STK32C: variants seen among roughly 807,000 people sequenced by gnomAD.
The protein encoded by STK32C is serine/threonine kinase 32C.
A neutral mutation model predicts 56.5 loss-of-function variants in STK32C; 31 were observed. The ratio of observed to expected loss-of-function variants is 0.55; its 90% confidence interval spans 0.41 to 0.74. The LOEUF (loss-of-function observed/expected upper bound fraction) is 0.74, where lower values mean the gene tolerates loss of function less well. STK32C is among the 30% of genes least tolerant of loss of function. The pLI, the probability that STK32C is intolerant of heterozygous loss-of-function variation, is 0.00. For synonymous variants in STK32C, 309 were observed against 289.4 expected, an observed-to-expected ratio of 1.07 and a Z score of -0.69; for missense variants, 544 against 676.9, an observed-to-expected ratio of 0.80 and a Z score of 2.18.
upstream of STK32C, among the ~76,000 whole-genome samples, chr10:132,310,249 G>A (rs2066194114): frequency 6.6e-6 from 1 of 152,218 alleles, no homozygotes; most frequent in Non-Finnish European, 1.5e-5. This position sits in a 1 kb window ranked among gnomAD's most constrained non-coding sequence, Gnocchi z 4.6. Context: ...CTCTCAGTCA[G>A]GAAACAGGAA....
intron 1 of STK32C, among the ~76,000 whole-genome samples, chr10:132,256,061 G>A (rs562721590): frequency 1.1e-3 from 161 of 152,292 alleles, no homozygotes; most frequent in Admixed American, 2.1e-3. Flanking sequence ...TTCCAGCCTC[G>A]GGGAGCCAAC....
chr10:132,225,628 G>T lies in STK32C; in HGVS notation c.683-12C>A, dbSNP rs2130893. On this transcript the variant is annotated splice_polypyrimidine_tract_variant and intron_variant, in intron 5 of 11. Coordinates refer to ENST00000298630, the MANE Select transcript of STK32C (RefSeq NM_173575.4). ...CAGGTGTGCATGTCCTGTGCAGAGAGGGGTCAGGTGTGGCTGTCCCAGGAC... is the reference window on the plus strand; with the variant it reads ...CAGGTGTGCATGTCCTGTGCAGAGATGGGTCAGGTGTGGCTGTCCCAGGAC... The T allele has an allele frequency of 2.5e-6, 4 of 1,609,242 alleles. No homozygotes were observed. The highest frequency in any genetic ancestry group is 1.7e-5 in the Admixed American group (1 of 59,908).
chr10:132,288,853 AATT>A (rs1466869525), intron 1 of STK32C, among the ~76,000 whole-genome samples: 1 of 152,200 alleles, frequency 6.6e-6, no homozygotes, highest in Non-Finnish European at 1.5e-5. Flanking sequence ...TTGAAAAACT[AATT>A]ATTATTAAGA....
chr10:132,258,029 G>A (rs1225820947), intron 1 of STK32C, among the ~76,000 whole-genome samples: 1 of 152,202 alleles, frequency 6.6e-6, no homozygotes, highest in Non-Finnish European at 1.5e-5. Flanking sequence ...CATGTCCCAA[G>A]TGCCCTCACT....
chr10:132,316,769 A>G (rs575399662), intron 1 of STK32C, among the ~76,000 whole-genome samples: 1 of 152,338 alleles, frequency 6.6e-6, no homozygotes, highest in Non-Finnish European at 1.5e-5. Flanking sequence ...AAGATACTTA[A>G]AAGAGTCCAG....
chr10:132,300,412 G>A (rs1472430205), intron 1 of STK32C, among the ~76,000 whole-genome samples: 2 of 152,190 alleles, frequency 1.3e-5, no homozygotes, highest in African/African-American at 2.4e-5. Flanking sequence ...TGGGGTGAGA[G>A]GAGGCTGGAT....
chr10:132,226,089 C>G lies in STK32C; in HGVS notation c.645-305G>C, dbSNP rs112361986. 3.5e-3 allele frequency among the ~76,000 whole-genome samples: 538 copies of G among 152,346 alleles called. 2 individuals carry two copies. The highest frequency in any genetic ancestry group is 0.014 in the Middle Eastern group (4 of 294). On this transcript the variant is annotated intron_variant, in intron 4 of 11. Transcript: ENST00000298630. ...CAATTGCTGGCAGGGTCTGCCCTCC[C>G]CCTCCAAGACTCGGCCTCTAGGAGA...
At chr10:132,240,719 G>A (rs936103048) in intron 2 of STK32C, among the ~76,000 whole-genome samples, 24 of 152,110 alleles carry the variant, frequency 1.6e-4, no homozygotes, top group Non-Finnish European at 3.1e-4. Context: ...TCGGACAGGG[G>A]GATGGCCTGG....
intron 1 of STK32C, among the ~76,000 whole-genome samples, chr10:132,316,634 C>T (rs2066315733): frequency 6.6e-6 from 1 of 151,714 alleles, no homozygotes; most frequent in African/African-American, 2.4e-5. Context: ...TCAGGAAAAT[C>T]AGCAAAGCAA....
chr10:132,268,392 C>CGT (rs1189768582), intron 1 of STK32C, among the ~76,000 whole-genome samples: 3 of 100,156 alleles, frequency 3.0e-5, no homozygotes, highest in African/African-American at 4.0e-5. Context: ...TGTCCCACAT[C>CGT]GTGTGTGTGT....
upstream of STK32C, chr10:132,331,912 C>T: frequency 2.5e-6 from 2 of 807,952 alleles, no homozygotes; most frequent in African/African-American, 1.8e-5. Context: ...GCAGGCGCAC[C>T]ACAACCCCCC....
intron 10 of STK32C, 61 bp downstream of exon 10, chr10:132,222,580 T>C (rs981749060): frequency 1.3e-6 from 2 of 1,588,334 alleles, no homozygotes; most frequent in East Asian, 2.2e-5. Flanking sequence ...CCTTGCTCGG[T>C]GGTAGAGAGG....
rs780146352 is a variant in STK32C, at chr10:132,222,691, G to A, written c.1201C>T (p.Arg401Cys). ...TCCCGGGACTTGTTCTTGGCCAGAC[G>A]CTTCTTCTTCTTGTGCAGGGGCCTG... is the stretch of plus-strand genomic sequence containing the variant. ...ESRPLHKKKK[R>C]LAKNKSRDNS... The change falls in exon 10 of 12, where the codon CGT (arginine) becomes TGT (cysteine). Residue 401 changes from arginine to cysteine, a missense_variant. Arg to Cys is a radical substitution (Grantham distance 180). Around this residue, in one of 3 missense-constraint regions of STK32C, gnomAD observed 277 missense variants for 309.3 expected, o/e 0.90. Transcript: ENST00000298630. The A allele has an allele frequency of 1.9e-6, 3 of 1,612,642 alleles. No individual in the cohort carries two copies. The highest frequency in any genetic ancestry group is 1.7e-6 in the Non-Finnish European group (2 of 1,179,694).
At position 132,324,834 on chromosome 10, in the gene STK32C, ATACATTGGTTTGGTC is replaced by A. The variant is rs144299226; in HGVS notation, c.302-476_302-462del. Among the ~76,000 whole-genome samples, 523 of 152,350 alleles carry A rather than the reference ATACATTGGTTTGGTC, an allele frequency of 3.4e-3. 1 individual carries two copies. Among genetic ancestry groups the A allele is most frequent in the African/African-American group, 0.012 (503 of 41,578 alleles). On this transcript the variant is annotated intron_variant, in intron 1 of 1. Transcript: ENST00000368619. Reference sequence around the variant, plus strand: ...AGACATCAATCAATGCCTGTGAGGTATACATTGGTTTGGTCTAGAAAGGAAGGACAACTGAAAGTG... The same window carrying A: ...AGACATCAATCAATGCCTGTGAGGTATAGAAAGGAAGGACAACTGAAAGTG...
chr10:132,245,066 T>C (rs1462758907), intron 2 of STK32C, among the ~76,000 whole-genome samples: 1 of 152,242 alleles, frequency 6.6e-6, no homozygotes, highest in Non-Finnish European at 1.5e-5. Context: ...AGCCATCGTT[T>C]GCTATACAAT....
intron 1 of STK32C, among the ~76,000 whole-genome samples, chr10:132,313,283 CA>C (rs1018912579): frequency 1.5e-4 from 23 of 152,234 alleles, no homozygotes; most frequent in Non-Finnish European, 2.6e-4. Context: ...TCTACCCTTA[CA>C]GCAGCTAACA....
intron 1 of STK32C, among the ~76,000 whole-genome samples, chr10:132,267,793 G>GTC (rs1281318176): frequency 1.5e-3 from 162 of 106,566 alleles, no homozygotes; most frequent in African/African-American, 1.7e-3. Flanking sequence ...CTCTATGCCT[G>GTC]TGTGCATGCA....
At chr10:132,235,479 A>G (rs898211615) in intron 2 of STK32C, among the ~76,000 whole-genome samples, 7 of 102,046 alleles carry the variant, frequency 6.9e-5, no homozygotes, top group African/African-American at 2.5e-4. Flanking sequence ...CTGGCAACAG[A>G]GCAAGACTCA....
downstream of STK32C, among the ~76,000 whole-genome samples, chr10:132,322,016 C>A (rs753376072): frequency 6.6e-6 from 1 of 152,146 alleles, no homozygotes; most frequent in African/African-American, 2.4e-5. Context: ...AAGATATTGA[C>A]GAACACCCTC....
Sources: gnomAD v4.1 joint callset for allele counts (sites outside exome capture counted in the v4.1 genomes callset) on GRCh38, gnomAD v4.1.1 for gene constraint, gnomAD v4.1.1 regional missense constraint, Gnocchi (gnomAD v3.1) non-coding constraint, MANE v1.5 for transcripts, NCBI Gene and HGNC (gene_info 2026-07-23, HGNC 2026-07-21) for gene names.